TTLL8: variants seen among roughly 807,000 people sequenced by gnomAD.
TTLL8 encodes the protein protein monoglycylase TTLL8.
In TTLL8, 65 loss-of-function variants were observed where a neutral mutation model predicts 77.8. The ratio of observed to expected loss-of-function variants is 0.84; its 90% CI spans 0.68 to 1.03. TTLL8 has a LOEUF of 1.03. TTLL8 is among the 50% of genes least tolerant of loss of function. The pLI is 0.00. For missense variants in TTLL8, 910 were observed against 1,004.5 expected, an observed-to-expected ratio of 0.91 and a Z score of 1.27; for synonymous variants, 402 against 422.8, an observed-to-expected ratio of 0.95 and a Z score of 0.60.
chr22:50,023,480 C>T (rs1286835151), intron 12 of TTLL8, among the ~76,000 whole-genome samples: 1 of 151,736 alleles, frequency 6.6e-6, no homozygotes, highest in Admixed American at 6.6e-5. Flanking sequence ...GTCAGGAGAT[C>T]GAGACCATCC....
intron 10 of TTLL8, 121 bp from the exon 12 acceptor site, chr22:50,032,230 C>T (rs1032052991): frequency 9.5e-7 from 1 of 1,051,554 alleles, no homozygotes; most frequent in East Asian, 5.0e-5. Flanking sequence ...CCCCTGAGGA[C>T]TCCAACCCTC....
In TTLL8 at chr22:50,045,000, G is replaced by A. The variant is rs2061399389; in HGVS notation, c.643+255C>T. On this transcript the variant is annotated intron_variant, in intron 6 of 13. Coordinates refer to ENST00000266182, the Ensembl canonical transcript of TTLL8. The surrounding 1 kb of genome is among the most constrained non-coding windows in gnomAD (Gnocchi z 4.2). ...ACGTCCGCGGCACAGGACTGTGGCAGTGAGTGTGGGACTCGGACGTCCCAG... is the reference window on the plus strand; with the variant it reads ...ACGTCCGCGGCACAGGACTGTGGCAATGAGTGTGGGACTCGGACGTCCCAG... 6.6e-6 allele frequency among the ~76,000 whole-genome samples: 1 copy of A among 152,206 alleles called. No individual in the cohort carries two copies. The highest frequency in any genetic ancestry group is 2.4e-5 in the African/African-American group (1 of 41,452).
intron 12 of TTLL8, among the ~76,000 whole-genome samples, chr22:50,020,176 A>C (rs2061186112): frequency 6.6e-6 from 1 of 152,226 alleles, no homozygotes. Context: ...ATTTACAAAA[A>C]TTGATGACCA....
At chr22:50,045,676 T>G in intron 5 of TTLL8, 180 bp downstream of exon 7, 1 of 811,856 alleles carries the variant, frequency 1.2e-6, no homozygotes, top group Non-Finnish European at 1.5e-6. Flanking sequence ...ACTCCTTGAC[T>G]GCCCGCCCTC....
chr22:50,048,260 G>C (rs5771323), intron 3 of TTLL8, among the ~76,000 whole-genome samples: 30,055 of 151,876 alleles, frequency 0.2, 3,337 homozygotes, highest in African/African-American at 0.3. Flanking sequence ...GCTTCTGTCT[G>C]TCCTCCAGGC....
rs923201335 is a variant in TTLL8 at position 50,030,093 on chromosome 22, G to A, written c.2203+337C>T. On this transcript the variant is annotated intron_variant, in intron 12 of 13. Coordinates refer to ENST00000266182, the Ensembl canonical transcript of TTLL8. ...CAGGGAGCTTGGTGCTGTTCACGGC[G>A]CTGTTCAAGGTCCTAACTCAAATCC... The A allele has an allele frequency of 8.1e-6, 7 of 867,850 alleles. No individual in the cohort carries two copies. The African/African-American group carries it at 1.3e-4, about 16-fold the overall frequency. The allele number at this position is 867,850 out of a possible 1,614,324, so 53.8% of individuals were successfully genotyped here. A position where few individuals can be genotyped will look rare whatever the true frequency, so the allele number is the denominator to read the frequency against.
At position 50,041,888 on chromosome 22, in the gene TTLL8, T is replaced by C; in HGVS notation, c.644-81A>G. The C allele has an allele frequency of 1.6e-6, 2 of 1,219,012 alleles. No homozygotes were observed. The highest frequency in any genetic ancestry group is 2.1e-6 in the Non-Finnish European group (2 of 938,096). The allele number at this position is 1,219,012 out of a possible 1,614,324, so 75.5% of individuals were successfully genotyped here. On this transcript the variant is annotated intron_variant, in intron 6 of 13. Coordinates refer to ENST00000266182, the Ensembl canonical transcript of TTLL8. The surrounding 1 kb of genome is among the most constrained non-coding windows in gnomAD (Gnocchi z 4.3). ...CCGCCTCGAGGGGTGATGTCTAAAG[T>C]CATGGACAAAGGCTGCTCCACTCCC... is the stretch of plus-strand genomic sequence containing the variant.
chr22:50,028,167 G>A (rs1016395227), intron 12 of TTLL8, among the ~76,000 whole-genome samples: 1 of 152,248 alleles, frequency 6.6e-6, no homozygotes, highest in African/African-American at 2.4e-5. Context: ...AGGGTCTGGA[G>A]GGAGAACCCT....
At chr22:50,042,188 A>C (rs1303437923) in intron 6 of TTLL8, among the ~76,000 whole-genome samples, 1 of 152,248 alleles carries the variant, frequency 6.6e-6, no homozygotes, top group Non-Finnish European at 1.5e-5. Context: ...TGTAAAGAAC[A>C]ATTTTAAGAC....
At chr22:50,027,843 C>T in intron 12 of TTLL8, 11 of 979,560 alleles carry the variant, frequency 1.1e-5, no homozygotes, top group Non-Finnish European at 1.3e-5. Flanking sequence ...GAAGCAAGCC[C>T]AGCTCCTCCC....
chr22:50,027,657 C>G lies in TTLL8; in HGVS notation c.2203+2773G>C, dbSNP rs976222666. On this transcript the variant is annotated intron_variant, in intron 12 of 13. Transcript: ENST00000266182. The stretch of plus-strand genomic sequence containing the variant: ...AAGCTCCAAGGGCCAGCACGCACTT[C>G]CTGTCCTGCTGGCCGGACTGGGCCT... 6 of 985,364 alleles carry G rather than the reference C, an allele frequency of 6.1e-6. No individual in the cohort carries two copies. In the African/African-American group the frequency reaches 1.0e-4, roughly 17 times the overall value. The allele number at this position is 985,364 out of a possible 1,614,324, so 61.0% of individuals were successfully genotyped here. A position where few individuals can be genotyped will look rare whatever the true frequency, so the allele number is the denominator to read the frequency against.
At chr22:50,042,637 A>T (rs1432381401) in intron 6 of TTLL8, among the ~76,000 whole-genome samples, 1 of 152,190 alleles carries the variant, frequency 6.6e-6, no homozygotes, top group Admixed American at 6.5e-5. Flanking sequence ...AGAAATTCAT[A>T]AGGAAATGGA....
intron 4 of TTLL8, among the ~76,000 whole-genome samples, 194 bp from the exon 7 acceptor site, chr22:50,046,164 G>A (rs2061410238): frequency 6.6e-6 from 1 of 152,084 alleles, no homozygotes; most frequent in Non-Finnish European, 1.5e-5. Context: ...CAGCCGGTGG[G>A]AGCATGGATG....
intron 12 of TTLL8, among the ~76,000 whole-genome samples, chr22:50,022,297 C>G (rs1001111504): frequency 6.6e-6 from 1 of 151,556 alleles, no homozygotes; most frequent in Non-Finnish European, 1.5e-5. Flanking sequence ...GTGCACTCCT[C>G]CATCTGATGC....
upstream of TTLL8, chr22:50,055,427 T>C: frequency 6.1e-6 from 5 of 816,264 alleles, no homozygotes; most frequent in Non-Finnish European, 8.5e-6. Context: ...GCCGAGGTGG[T>C]TGGATCACCT....
At chr22:50,053,338 C>G (rs1208056241) in intron 1 of TTLL8, among the ~76,000 whole-genome samples, 2 of 152,004 alleles carry the variant, frequency 1.3e-5, no homozygotes, top group Non-Finnish European at 2.9e-5. Flanking sequence ...AGCACATTCT[C>G]GACCACAATG....
At chr22:50,050,991 C>T (rs544411527) in intron 1 of TTLL8, among the ~76,000 whole-genome samples, 1 of 152,304 alleles carries the variant, frequency 6.6e-6, no homozygotes, top group Non-Finnish European at 1.5e-5. Flanking sequence ...GGAGTTTTGT[C>T]TGTGGCTCAT....
intron 12 of TTLL8, among the ~76,000 whole-genome samples, chr22:50,026,839 AT>A (rs1167456746): frequency 6.6e-6 from 1 of 152,222 alleles, no homozygotes; most frequent in Non-Finnish European, 1.5e-5. Flanking sequence ...AATGAATGAC[AT>A]GCCAGACTTG....
intron 8 of TTLL8, among the ~76,000 whole-genome samples, chr22:50,039,292 C>T (rs1386035513): frequency 6.6e-6 from 1 of 151,964 alleles, no homozygotes. Flanking sequence ...GGGCTTGGAT[C>T]CTCCTTTGTA....
Sources: gnomAD v4.1 joint callset for allele counts (sites outside exome capture counted in the v4.1 genomes callset) on GRCh38, gnomAD v4.1.1 for gene constraint, Gnocchi (gnomAD v3.1) non-coding constraint, MANE v1.5 for transcripts, NCBI Gene and HGNC (gene_info 2026-07-23, HGNC 2026-07-21) for gene names.